The following FGD6 variants were observed in gnomAD, a reference collection of about 807,000 sequenced individuals.
FGD6 encodes FYVE, RhoGEF and PH domain containing 6.
In FGD6, 90 loss-of-function variants were observed where a neutral mutation model predicts 149.4. That is an observed-to-expected ratio of 0.60 (90% CI 0.51 to 0.72). The LOEUF is 0.72. Ranked by LOEUF, FGD6 falls within the 30% of genes least tolerant of loss-of-function variation. The pLI, the probability that FGD6 is intolerant of heterozygous loss-of-function variation, is 0.00. For missense variants in FGD6, 1,437 were observed against 1,684.8 expected, an observed-to-expected ratio of 0.85 and a Z score of 2.57; for synonymous variants, 527 against 584.0, an observed-to-expected ratio of 0.90 and a Z score of 1.41.
chr12:95,097,656 A>AAAAAAAAAC (rs1878281360), intron 14 of FGD6, among the ~76,000 whole-genome samples: 1 of 151,074 alleles, frequency 6.6e-6, no homozygotes, highest in Non-Finnish European at 1.5e-5. Flanking sequence ...AAAAAAAAAA[A>AAAAAAAAAC]AAAGACCATG....
rs1357543217 is a variant in FGD6, at chr12:95,089,562, CACTT to C, written c.3978+3_3978+6del. On this transcript the variant is annotated splice_donor_5th_base_variant and intron_variant, in intron 18 of 20. Coordinates refer to ENST00000343958, the MANE Select transcript of FGD6 (RefSeq NM_018351.4). ...TATCACATTGCAAATTTAATGGAAACACTTACTTCTTTGAGAGCAGCTGGGATTT... is the reference window on the plus strand; with the variant it reads ...TATCACATTGCAAATTTAATGGAAACACTTCTTTGAGAGCAGCTGGGATTT... The C allele has an allele frequency of 9.9e-6, 16 of 1,612,518 alleles. No individual in the cohort carries two copies. Among genetic ancestry groups the C allele is most frequent in the African/African-American group, 1.3e-5 (1 of 74,890 alleles).
chr12:95,208,943 T>C lies in FGD6; in HGVS notation c.2341A>G (p.Ser781Gly). ...KTQELEWQNS[S>G]SMEDADANVY... ...TTTGCATCAGCGTCCTCCATGCTGC[T>C]GGAATTCTGCCATTCCAACTCTTGA... Residue 781 changes from serine to glycine, a missense_variant, in exon 2 of 21, where the codon AGC becomes GGC. Coordinates refer to ENST00000343958, the MANE Select transcript of FGD6 (RefSeq NM_018351.4). 1 of 1,614,074 alleles carries C rather than the reference T, an allele frequency of 6.2e-7. No individual in the cohort carries two copies. The highest frequency in any genetic ancestry group is 2.2e-5 in the East Asian group (1 of 44,898).
chr12:95,207,281 G>A (rs1409548952), intron 2 of FGD6, among the ~76,000 whole-genome samples: 2 of 152,146 alleles, frequency 1.3e-5, no homozygotes, highest in Non-Finnish European at 2.9e-5. Flanking sequence ...CGCCATGATT[G>A]TAAGTTTCCT....
intron 2 of FGD6, among the ~76,000 whole-genome samples, chr12:95,208,160 G>A (rs1052481753): frequency 1.1e-4 from 16 of 152,060 alleles, no homozygotes; most frequent in Non-Finnish European, 1.6e-4. Context: ...GCTGAGATGG[G>A]AGGACTCCTT....
At chr12:95,138,238 AAATAAATAACTC>A (rs926320745) in intron 6 of FGD6, among the ~76,000 whole-genome samples, 1 of 149,084 alleles carries the variant, frequency 6.7e-6, no homozygotes, top group African/African-American at 2.5e-5. Flanking sequence ...ATAAATAAAT[AAATAAATAACTC>A]ACTCACTCCT....
Position 95,077,412 on chromosome 12 carries a change from G to A in FGD6, c.*4108C>T, listed in dbSNP as rs1472192217. ...ACTAAGGGTCAGCTATCACAGAGAA[G>A]TCTTGGATAAACAGAGATGCGGATG... On this transcript the variant is annotated 3_prime_UTR_variant, in exon 21 of 21. Transcript: ENST00000343958. 1 of 152,308 alleles carries A rather than the reference G, an allele frequency of 6.6e-6. No homozygotes were observed. The highest frequency in any genetic ancestry group is 1.5e-5 in the Non-Finnish European group (1 of 68,100). The allele number at this position is 152,308 out of a possible 1,614,324, so 9.4% of individuals were successfully genotyped here.
chr12:95,149,427 T>C (rs1451159252), intron 5 of FGD6, among the ~76,000 whole-genome samples: 3 of 127,778 alleles, frequency 2.3e-5, no homozygotes, highest in Admixed American at 1.0e-4. Flanking sequence ...CTATATAATA[T>C]ATAGCATATA....
intron 2 of FGD6, among the ~76,000 whole-genome samples, chr12:95,193,835 G>A (rs1038800568): frequency 6.6e-6 from 1 of 151,306 alleles, no homozygotes; most frequent in Non-Finnish European, 1.5e-5. Flanking sequence ...GGCCCATGCT[G>A]AATTTTTTTA....
intron 14 of FGD6, among the ~76,000 whole-genome samples, chr12:95,097,634 CAAAAAAA>C (rs34057454): frequency 2.3e-5 from 1 of 43,390 alleles, no homozygotes; most frequent in African/African-American, 1.0e-4. Context: ...GACTCTGTCT[CAAAAAAA>C]AAAAAAAAAA....
chr12:95,113,694 C>A lies in FGD6; in HGVS notation c.3090G>T (p.Leu1030Phe). The change falls in exon 9 of 21, where the codon TTG becomes TTT. Residue 1030 changes from leucine (L) to phenylalanine (F), a missense_variant. Coordinates refer to ENST00000343958, the MANE Select transcript of FGD6 (RefSeq NM_018351.4). ...CTCCAGCATCTTCTATGAGATTCTT[C>A]AAATAATCTAGAAAAGAAGAAAAAA... ...PQYRLLLTDY[L>F]KNLIEDAGDY... 6.3e-7 allele frequency: 1 copy of A among 1,586,110 alleles called. No individual in the cohort carries two copies. The highest frequency in any genetic ancestry group is 8.6e-7 in the Non-Finnish European group (1 of 1,165,968).
chr12:95,122,708 T>C (rs1020485034), intron 8 of FGD6, among the ~76,000 whole-genome samples: 1 of 138,806 alleles, frequency 7.2e-6, no homozygotes, highest in Non-Finnish European at 1.5e-5. Context: ...GCTTCTCAAA[T>C]ACTCATTCAA....
chr12:95,192,350 G>A (rs1278706100), intron 2 of FGD6, among the ~76,000 whole-genome samples: 1 of 152,006 alleles, frequency 6.6e-6, no homozygotes, highest in Non-Finnish European at 1.5e-5. Flanking sequence ...CAAGGAAAGG[G>A]GTCCATTGTA....
intron 3 of FGD6, among the ~76,000 whole-genome samples, chr12:95,157,368 A>T (rs1880502778): frequency 1.3e-5 from 2 of 152,052 alleles, no homozygotes; most frequent in Admixed American, 1.3e-4. Flanking sequence ...GGAGATAGAG[A>T]CCAGCTTGGC....
chr12:95,173,976 A>T (rs149193777), intron 2 of FGD6, among the ~76,000 whole-genome samples: 1 of 152,304 alleles, frequency 6.6e-6, no homozygotes, highest in Non-Finnish European at 1.5e-5. Context: ...CAACTGTTAC[A>T]CAAACCAGCT....
intron 5 of FGD6, among the ~76,000 whole-genome samples, chr12:95,147,743 T>C (rs1880057661): frequency 6.6e-6 from 1 of 152,058 alleles, no homozygotes; most frequent in Non-Finnish European, 1.5e-5. Context: ...TTGAAAAAAA[T>C]AGGAATAACA....
intron 2 of FGD6, among the ~76,000 whole-genome samples, chr12:95,192,563 T>C (rs966087492): frequency 6.6e-6 from 1 of 152,162 alleles, no homozygotes; most frequent in Non-Finnish European, 1.5e-5. Context: ...CAAGGCAGTG[T>C]AACAAAATTT....
chr12:95,175,820 GA>G (rs1313643366), intron 2 of FGD6, among the ~76,000 whole-genome samples: 22 of 129,980 alleles, frequency 1.7e-4, no homozygotes, highest in African/African-American at 3.1e-4. Context: ...AAAAAAAAAA[GA>G]AAAAAAAAAA....
At chr12:95,167,251 C>T (rs1880846074) in intron 3 of FGD6, among the ~76,000 whole-genome samples, 3 of 152,140 alleles carry the variant, frequency 2.0e-5, no homozygotes, top group African/African-American at 7.2e-5. Flanking sequence ...TGGGTGGATA[C>T]CTAAGAGTAG....
At chr12:95,178,845 TAAAC>T (rs935779061) in intron 2 of FGD6, among the ~76,000 whole-genome samples, 1 of 152,108 alleles carries the variant, frequency 6.6e-6, no homozygotes, top group Admixed American at 6.6e-5. Context: ...AAAAAATGAA[TAAAC>T]AAAGAAACTT....
Sources: allele counts gnomAD v4.1 joint callset (sites outside exome capture counted in the v4.1 genomes callset), GRCh38; gene constraint gnomAD v4.1.1; transcripts MANE v1.5; gene names NCBI Gene and HGNC (gene_info 2026-07-23, HGNC 2026-07-21).